The following GIT2 variants were observed in gnomAD, a reference collection of about 807,000 sequenced individuals.
GIT2 encodes ARF GTPase-activating protein GIT2.
In GIT2, 32 loss-of-function variants were observed where a neutral mutation model predicts 100.3. The ratio of observed to expected loss-of-function variants is 0.32; its 90% CI spans 0.24 to 0.43. The LOEUF is 0.43. GIT2 is among the 20% of genes least tolerant of loss of function. GIT2 has a pLI of 1.00. For missense variants in GIT2, 737 were observed against 975.1 expected (o/e 0.76, Z 3.25); for synonymous variants, 353 against 364.1 (o/e 0.97, Z 0.35).
intron 6 of GIT2, chr12:109,983,082 A>T: frequency 3.5e-6 from 1 of 282,700 alleles, no homozygotes; most frequent in Admixed American, 4.7e-5. Flanking sequence ...AGAAGAGTAC[A>T]TTCTGTAATT....
chr12:109,964,200 G>A (rs1180169443), intron 9 of GIT2, among the ~76,000 whole-genome samples: 1 of 152,056 alleles, frequency 6.6e-6, no homozygotes, highest in Non-Finnish European at 1.5e-5. Flanking sequence ...TGACTCCAAA[G>A]CTTATCATCT....
In GIT2 at chr12:109,931,866, T is replaced by C. The variant is rs1471679251; in HGVS notation, c.*1112A>G. 6.6e-6 allele frequency: 1 copy of C among 152,290 alleles called. No homozygotes were observed. The highest frequency in any genetic ancestry group is 1.5e-5 in the Non-Finnish European group (1 of 68,062). The allele number at this position is 152,290 out of a possible 1,614,324, so 9.4% of individuals were successfully genotyped here. A position where few individuals can be genotyped will look rare whatever the true frequency, so the allele number is the denominator to read the frequency against. On this transcript the variant is annotated 3_prime_UTR_variant, in exon 20 of 20. Transcript: ENST00000355312. ...AGGCAGCCAGCTAGAGCACACTCTC[T>C]AAGGAACTCTTGAAAGTTGATGTCT...
At chr12:109,940,895 C>G (rs1182502865) in intron 16 of GIT2, among the ~76,000 whole-genome samples, 7 of 140,356 alleles carry the variant, frequency 5.0e-5, no homozygotes, top group African/African-American at 1.6e-4. Context: ...CAAAACAAAA[C>G]AAAACAAAAC....
chr12:109,973,436 C>T (rs984134131), intron 7 of GIT2, among the ~76,000 whole-genome samples: 9 of 151,966 alleles, frequency 5.9e-5, no homozygotes, highest in Non-Finnish European at 7.4e-5. Context: ...CCATCGCGCC[C>T]GGTCTGCTTT....
At position 109,932,844 on chromosome 12, in the gene GIT2, C is replaced by A; in HGVS notation, c.*134G>T. 1.6e-6 allele frequency: 1 copy of A among 624,782 alleles called. No individual in the cohort carries two copies. The highest frequency in any genetic ancestry group is 2.9e-6 in the Non-Finnish European group (1 of 350,762). The allele number at this position is 624,782 out of a possible 1,614,324, so 38.7% of individuals were successfully genotyped here. ...GGTTAGAAAACATGCAAAAATAATA[C>A]TGAGTTTTCTTTTAAAAAGTTTTAA... is the stretch of plus-strand genomic sequence containing the variant. On this transcript the variant is annotated 3_prime_UTR_variant, in exon 20 of 20. Transcript: ENST00000355312.
intron 6 of GIT2, chr12:109,981,429 C>A (rs1004991092): frequency 5.1e-6 from 1 of 194,918 alleles, no homozygotes; most frequent in African/African-American, 2.4e-5. Context: ...GCAGGCCCCA[C>A]CCTTGGAAAT....
intron 18 of GIT2, among the ~76,000 whole-genome samples, chr12:109,935,272 C>T (rs1223455428): frequency 3.9e-5 from 6 of 152,182 alleles, no homozygotes. Context: ...GGGGCAACAA[C>T]CTATCTGGTC....
intron 4 of GIT2, 63 bp from the exon 5 acceptor site, chr12:109,983,757 C>A: frequency 1.0e-6 from 1 of 989,990 alleles, no homozygotes; most frequent in Admixed American, 2.0e-5. Flanking sequence ...TGTCCTAGGG[C>A]AGCTGATAGA....
intron 7 of GIT2, among the ~76,000 whole-genome samples, chr12:109,971,023 T>C (rs1883735452): frequency 6.6e-6 from 1 of 152,218 alleles, no homozygotes; most frequent in Admixed American, 6.5e-5. Flanking sequence ...TGGGCTCAAG[T>C]AGTCCTCCCG....
chr12:109,987,233 A>T lies in GIT2; in HGVS notation c.405+1730T>A, dbSNP rs565635363. On this transcript the variant is annotated intron_variant, in intron 4 of 19. Transcript: ENST00000355312. ...CTGTCTCTACTAAAAATACAAAAAA[A>T]ATTAGCCGGGTGTGGTGGTGGGCAC... is the stretch of plus-strand genomic sequence containing the variant. Among the ~76,000 whole-genome samples, 49 of 147,006 alleles carry T rather than the reference A, an allele frequency of 3.3e-4. No individual in the cohort carries two copies. In the South Asian group the frequency reaches 4.8e-3, roughly 14 times the overall value.
chr12:109,999,651 G>A (rs761660891), upstream of GIT2: 17 of 1,489,402 alleles, frequency 1.1e-5, no homozygotes, highest in South Asian at 2.0e-4. The surrounding 1 kb of genome is among the most constrained non-coding windows in gnomAD (Gnocchi z 4.3). Flanking sequence ...GCCGAGACTT[G>A]GGGCGGGCGA....
At chr12:109,961,472 T>C in intron 10 of GIT2, 97 bp from the exon 11 acceptor site, 1 of 952,830 alleles carries the variant, frequency 1.0e-6, no homozygotes, top group Non-Finnish European at 1.7e-6. Context: ...AAACACACTC[T>C]GAAGCCAACA....
chr12:109,958,219 C>G (rs949272921), intron 12 of GIT2, among the ~76,000 whole-genome samples: 1 of 151,814 alleles, frequency 6.6e-6, no homozygotes, highest in Non-Finnish European at 1.5e-5. Context: ...GCTGGGATTA[C>G]AGGTGTGAGC....
At chr12:109,986,446 G>C (rs561025107) in intron 4 of GIT2, among the ~76,000 whole-genome samples, 45 of 152,132 alleles carry the variant, frequency 3.0e-4, no homozygotes, top group Non-Finnish European at 5.9e-4. Flanking sequence ...CCTGGCCAAC[G>C]TGGTGAAACC....
intron 1 of GIT2, among the ~76,000 whole-genome samples, chr12:109,995,936 G>T (rs78855067): frequency 0.07 from 10,691 of 152,216 alleles, 611 homozygotes; most frequent in African/African-American, 0.15. Flanking sequence ...GTTGGCCTAG[G>T]ACGGAGGGAA....
At chr12:109,997,906 T>C (rs1889677769), upstream of GIT2, 1 of 152,220 alleles carries the variant, frequency 6.6e-6, no homozygotes, top group Admixed American at 6.5e-5. Flanking sequence ...CTAATACCAA[T>C]GACTACTTAT....
intron 7 of GIT2, among the ~76,000 whole-genome samples, chr12:109,970,265 G>A (rs572024709): frequency 1.3e-5 from 2 of 152,124 alleles, no homozygotes; most frequent in African/African-American, 4.8e-5. Flanking sequence ...AGGCCGATGC[G>A]GGCAGTTCAC....
intron 1 of GIT2, among the ~76,000 whole-genome samples, chr12:109,993,146 T>C (rs1472001621): frequency 6.6e-6 from 1 of 152,204 alleles, no homozygotes; most frequent in African/African-American, 2.4e-5. Flanking sequence ...CTTCATTAGC[T>C]GTCCTTTGAA....
chr12:109,995,973 GC>G (rs1889326013), intron 1 of GIT2, 199 bp downstream of exon 1: 1 of 475,424 alleles, frequency 2.1e-6, no homozygotes, highest in Admixed American at 4.3e-5. Context: ...GGAAGGGAGG[GC>G]CGCGAGGGAC....
Sources: allele counts gnomAD v4.1 joint callset (sites outside exome capture counted in the v4.1 genomes callset), GRCh38; gene constraint gnomAD v4.1.1; non-coding constraint Gnocchi (gnomAD v3.1); transcripts MANE v1.5; gene names NCBI Gene and HGNC (gene_info 2026-07-23, HGNC 2026-07-21).